SHROOM3: variants seen among roughly 807,000 people sequenced by gnomAD.
SHROOM3 encodes the protein shroom family member 3, also known as protein Shroom3.
A neutral mutation model predicts 138.6 loss-of-function variants in SHROOM3; 47 were observed. The ratio of observed to expected loss-of-function variants is 0.34; its 90% CI spans 0.27 to 0.43. The LOEUF (loss-of-function observed/expected upper bound fraction) is 0.43. SHROOM3 is among the 20% of genes least tolerant of loss of function. The probability of loss-of-function intolerance (pLI) is 1.00; values close to 1 mark genes in which losing one functional copy is unlikely to be tolerated. For synonymous variants in SHROOM3, 1,062 were observed against 1,063.3 expected, an observed-to-expected ratio of 1.00 and a Z score of 0.02; for missense variants, 2,491 against 2,596.5, an observed-to-expected ratio of 0.96 and a Z score of 0.88.
chr4:76,595,268 A>T (rs1734355834), intron 2 of SHROOM3, among the ~76,000 whole-genome samples: 1 of 152,162 alleles, frequency 6.6e-6, no homozygotes, highest in Admixed American at 6.5e-5. Flanking sequence ...TTCTTTTTGG[A>T]TTACATAGTT....
chr4:76,775,184 A>T (rs1471102107), intron 10 of SHROOM3, among the ~76,000 whole-genome samples: 1 of 152,054 alleles, frequency 6.6e-6, no homozygotes, highest in East Asian at 1.9e-4. Flanking sequence ...CTTAGCATCC[A>T]CTTAAAACTG....
intron 10 of SHROOM3, among the ~76,000 whole-genome samples, chr4:76,772,698 A>G (rs1340521380): frequency 6.6e-6 from 1 of 152,188 alleles, no homozygotes; most frequent in Non-Finnish European, 1.5e-5. Flanking sequence ...AACAGCTAAC[A>G]GTAGCCTGTC....
chr4:76,581,347 A>C (rs550704142), intron 2 of SHROOM3, among the ~76,000 whole-genome samples: 178 of 152,364 alleles, frequency 1.2e-3, no homozygotes, highest in Middle Eastern at 6.8e-3. Context: ...AGTAGAAAAG[A>C]AGCAAAATTA....
Position 76,741,810 on chromosome 4 carries a change from G to A in SHROOM3, c.3637G>A (p.Gly1213Arg), listed in dbSNP as rs768772906. Residue 1213 changes from glycine (G) to arginine (R), a missense_variant, in exon 5 of 11, where the codon GGG becomes AGG. Coordinates refer to ENST00000296043, the MANE Select transcript of SHROOM3 (RefSeq NM_020859.4). This position sits in a 1 kb window ranked among gnomAD's most constrained non-coding sequence, Gnocchi z 6.2. ...GACCCCCAGGGAGCCATCCTCCTGG[G>A]GGGCCAGGGCCGGGAAGTCCATGTC... ...DETPREPSSW[G>R]ARAGKSMSAE... The A allele has an allele frequency of 1.3e-6, 2 of 1,588,030 alleles. No individual in the cohort carries two copies. Among genetic ancestry groups the A allele is most frequent in the South Asian group, 2.3e-5 (2 of 87,172 alleles).
chr4:76,643,761 A>G (rs1735741663), intron 2 of SHROOM3, among the ~76,000 whole-genome samples: 1 of 152,250 alleles, frequency 6.6e-6, no homozygotes. Flanking sequence ...AATAACAGAT[A>G]TACAGTGAAT....
chr4:76,772,103 C>CTTTTTTT (rs35590411), intron 10 of SHROOM3, among the ~76,000 whole-genome samples: 10 of 125,120 alleles, frequency 8.0e-5, no homozygotes, highest in East Asian at 2.3e-4. Flanking sequence ...TTTTCTTTTT[C>CTTTTTTT]TTTTTTTTTT....
intron 2 of SHROOM3, among the ~76,000 whole-genome samples, chr4:76,598,025 AC>A (rs1734424791): frequency 1.0e-5 from 1 of 98,500 alleles, no homozygotes; most frequent in South Asian, 4.2e-4. Context: ...AAAATCTATG[AC>A]TTTTTTTTTT....
intron 1 of SHROOM3, among the ~76,000 whole-genome samples, chr4:76,473,141 A>G (rs1197862468): frequency 6.6e-6 from 1 of 152,250 alleles, no homozygotes; most frequent in Admixed American, 6.5e-5. Context: ...AAAAAAGCAC[A>G]AGCAATCAAA....
chr4:76,457,323 C>A (rs1731047613), intron 1 of SHROOM3, among the ~76,000 whole-genome samples: 1 of 151,956 alleles, frequency 6.6e-6, no homozygotes, highest in African/African-American at 2.4e-5. Context: ...AAGTGTGCAG[C>A]ACCTCCTCCC....
At chr4:76,746,133 G>GACTGCA (rs1406577613) in intron 5 of SHROOM3, among the ~76,000 whole-genome samples, 2 of 152,278 alleles carry the variant, frequency 1.3e-5, no homozygotes, top group East Asian at 3.9e-4. Context: ...CATACTGTCT[G>GACTGCA]ACTGCAGAGT....
intron 2 of SHROOM3, among the ~76,000 whole-genome samples, chr4:76,631,815 G>A (rs945481579): frequency 2.6e-4 from 40 of 152,274 alleles, no homozygotes; most frequent in African/African-American, 7.2e-4. Flanking sequence ...TGAGGAAATA[G>A]AGTCAATGAG....
rs1458458189 is a variant in SHROOM3, at chr4:76,781,593, C to A, written c.*2416C>A. 6.6e-6 allele frequency: 1 copy of A among 152,204 alleles called. No homozygotes were observed. Among genetic ancestry groups the A allele is most frequent in the Non-Finnish European group, 1.5e-5 (1 of 68,032 alleles). The allele number at this position is 152,204 out of a possible 1,614,324, so 9.4% of individuals were successfully genotyped here. A position where few individuals can be genotyped will look rare whatever the true frequency, so the allele number is the denominator to read the frequency against. On this transcript the variant is annotated 3_prime_UTR_variant, in exon 11 of 11. Coordinates refer to ENST00000296043, the MANE Select transcript of SHROOM3 (RefSeq NM_020859.4). ...TCTGTTATGTGAAATGGGTAAGGCA[C>A]CAAGTGAGACTTTGAAATCTAATTT...
chr4:76,507,736 G>T (rs1389546475), intron 1 of SHROOM3, among the ~76,000 whole-genome samples: 1 of 151,638 alleles, frequency 6.6e-6, no homozygotes, highest in Non-Finnish European at 1.5e-5. Flanking sequence ...AGTAGAGTCA[G>T]GGTTTCACCA....
rs770848236 is a variant in SHROOM3, at chr4:76,741,962, CCCTT to C, written c.3753+40_3753+43del. On this transcript the variant is annotated intron_variant, in intron 5 of 10. Transcript: ENST00000296043. The surrounding 1 kb of genome is among the most constrained non-coding windows in gnomAD (Gnocchi z 6.2). ...CCAGCAAGTCCTGGCCTCGAACTGTCCCTTCCTCCCTAGAAGCTTTAGTGGGGCT... is the reference window on the plus strand; with the variant it reads ...CCAGCAAGTCCTGGCCTCGAACTGTCCCTCCCTAGAAGCTTTAGTGGGGCT... 1 of 1,603,312 alleles carries C rather than the reference CCCTT, an allele frequency of 6.2e-7. No individual in the cohort carries two copies. The highest frequency in any genetic ancestry group is 8.5e-7 in the Non-Finnish European group (1 of 1,175,802).
intron 2 of SHROOM3, among the ~76,000 whole-genome samples, chr4:76,691,225 G>A (rs1486550400): frequency 2.0e-5 from 3 of 152,180 alleles, no homozygotes; most frequent in Non-Finnish European, 4.4e-5. Context: ...GGATGTTGTA[G>A]AGAATTCACT....
Position 76,782,149 on chromosome 4 carries a change from G to A in SHROOM3, c.*2972G>A, listed in dbSNP as rs1392609800. 2 of 152,132 alleles carry A rather than the reference G, an allele frequency of 1.3e-5. No individual in the cohort carries two copies. Among genetic ancestry groups the A allele is most frequent in the South Asian group, 4.1e-4 (2 of 4,824 alleles). 9.4% of individuals were successfully genotyped at this position (152,132 alleles called of 1,614,324 possible). On this transcript the variant is annotated 3_prime_UTR_variant, in exon 11 of 11. Transcript: ENST00000296043. ...TTTCTCATGCTGTTTTGTTTCTTGC[G>A]GTGGCCACTTAACCCCAAAGAATGA...
At chr4:76,707,903 G>T (rs1319170050) in intron 2 of SHROOM3, among the ~76,000 whole-genome samples, 1 of 152,084 alleles carries the variant, frequency 6.6e-6, no homozygotes, top group Non-Finnish European at 1.5e-5. Flanking sequence ...ACTCTCTCCA[G>T]CCTGATTTCT....
intron 2 of SHROOM3, among the ~76,000 whole-genome samples, chr4:76,673,221 C>T (rs1014237856): frequency 2.6e-5 from 4 of 152,168 alleles, no homozygotes; most frequent in African/African-American, 7.2e-5. Flanking sequence ...TTGCCTGTCG[C>T]CATGACTGTC....
chr4:76,679,914 A>T (rs1187662498), intron 2 of SHROOM3, among the ~76,000 whole-genome samples: 3 of 152,148 alleles, frequency 2.0e-5, no homozygotes, highest in Admixed American at 1.3e-4. Context: ...TGTCACCTAG[A>T]TCACATGTCT....
Sources: gnomAD v4.1 joint callset for allele counts (sites outside exome capture counted in the v4.1 genomes callset) on GRCh38, gnomAD v4.1.1 for gene constraint, Gnocchi (gnomAD v3.1) non-coding constraint, MANE v1.5 for transcripts, NCBI Gene and HGNC (gene_info 2026-07-23, HGNC 2026-07-21) for gene names.